The following JSRP1 variants were observed in gnomAD, a reference collection of about 807,000 sequenced individuals.
JSRP1 encodes the protein junctional sarcoplasmic reticulum protein 1, also known as 2310032K21Rik.
JSRP1 carries 29 observed loss-of-function variants against 21.4 expected under a neutral mutation model. The observed-to-expected ratio is 1.36, with a 90% CI of 1.01 to 1.85. The LOEUF (loss-of-function observed/expected upper bound fraction) is 1.85. JSRP1 is among the 40% of genes most tolerant of loss of function. JSRP1 has a pLI of 0.00. For synonymous variants in JSRP1, 221 were observed against 206.1 expected (o/e 1.07, Z -0.62); for missense variants, 531 against 461.5 (o/e 1.15, Z -1.38).
At chr19:2,256,285 C>T (rs1014107590) in intron 1 of JSRP1, 98 bp downstream of exon 1, 1 of 152,222 alleles carries the variant, frequency 6.6e-6, no homozygotes, top group Non-Finnish European at 1.5e-5. Flanking sequence ...AATTGGGGAC[C>T]CTTACAGTCC....
chr19:2,252,758 AG>A lies in JSRP1; in HGVS notation c.566del (p.Pro189LeufsTer40), dbSNP rs778949126. 1 of 1,612,318 alleles carries A rather than the reference AG, an allele frequency of 6.2e-7. No individual in the cohort carries two copies. Among genetic ancestry groups the A allele is most frequent in the African/African-American group, 1.3e-5 (1 of 74,960 alleles). ...FEAQAPPSAP[P>X]APRAEAEVRP... ...TGACCTCTGCCTCGGCCCGGGGCGCAGGCGGCGCTGATGGAGGCGCCTGGGC... is the reference window on the plus strand; with the variant it reads ...TGACCTCTGCCTCGGCCCGGGGCGCAGCGGCGCTGATGGAGGCGCCTGGGC... On this transcript the variant is annotated frameshift_variant, in exon 7 of 7. Coordinates refer to ENST00000300961, the MANE Select transcript of JSRP1 (RefSeq NM_144616.4). LOFTEE classifies it low-confidence loss of function (END_TRUNC).
chr19:2,253,954 C>G (rs1275267943), intron 4 of JSRP1, among the ~76,000 whole-genome samples, 161 bp from the exon 5 acceptor site: 1 of 152,236 alleles, frequency 6.6e-6, no homozygotes, highest in Non-Finnish European at 1.5e-5. Flanking sequence ...TGCCCCGCAG[C>G]TGCACGGGGA....
chr19:2,254,055 G>T, intron 4 of JSRP1, 132 bp downstream of exon 4: 1 of 762,804 alleles, frequency 1.3e-6, no homozygotes, highest in Non-Finnish European at 2.1e-6. Flanking sequence ...CCGTTGACTC[G>T]CTGCCTGCCA....
In JSRP1 at chr19:2,253,011, G is replaced by C. The variant is rs772101547; in HGVS notation, c.437-8C>G. The C allele has an allele frequency of 4.4e-6, 7 of 1,589,820 alleles. No homozygotes were observed. The highest frequency in any genetic ancestry group is 6.0e-6 in the Non-Finnish European group (7 of 1,167,460). On this transcript the variant is annotated splice_region_variant and splice_polypyrimidine_tract_variant and intron_variant, in intron 5 of 6. Coordinates refer to ENST00000300961, the MANE Select transcript of JSRP1 (RefSeq NM_144616.4). The stretch of plus-strand genomic sequence containing the variant: ...CCTCCCCAGGGACGGCGTCTGCAGC[G>C]ACAGGGTCGGGACCCGAGTCAGCTG...
rs749552897 is a variant in JSRP1, at chr19:2,252,894, G to A, written c.528+18C>T. Reference sequence around the variant, plus strand: ...ATGAAGGTCCCAATGCCCGCGGTCAGTGGAAGGAAGCTCTTACCAGGGGCG... The same window carrying A: ...ATGAAGGTCCCAATGCCCGCGGTCAATGGAAGGAAGCTCTTACCAGGGGCG... On this transcript the variant is annotated intron_variant, in intron 6 of 6. Transcript: ENST00000300961. 1 of 1,606,048 alleles carries A rather than the reference G, an allele frequency of 6.2e-7. No individual in the cohort carries two copies. Among genetic ancestry groups the A allele is most frequent in the Non-Finnish European group, 8.5e-7 (1 of 1,175,720 alleles).
chr19:2,253,548 C>T, intron 5 of JSRP1, 72 bp downstream of exon 5: 1 of 1,340,754 alleles, frequency 7.5e-7, no homozygotes, highest in Non-Finnish European at 9.6e-7. Context: ...GGCGGCACAG[C>T]GCCTTTCCTT....
intron 6 of JSRP1, 28 bp downstream of exon 6, chr19:2,252,884 C>A: frequency 6.2e-7 from 1 of 1,600,644 alleles, no homozygotes; most frequent in Admixed American, 1.7e-5. Flanking sequence ...GGTCCCAATG[C>A]CCGCGGTCAG....
chr19:2,252,319 C>A lies in JSRP1; in HGVS notation c.*10G>T, dbSNP rs527724993. 2 of 1,452,692 alleles carry A rather than the reference C, an allele frequency of 1.4e-6. No individual in the cohort carries two copies. Among genetic ancestry groups the A allele is most frequent in the Admixed American group, 2.8e-5 (1 of 35,960 alleles). 90.0% of individuals were successfully genotyped at this position (1,452,692 alleles called of 1,614,324 possible). A position where few individuals can be genotyped will look rare whatever the true frequency, so the allele number is the denominator to read the frequency against. On this transcript the variant is annotated 3_prime_UTR_variant, in exon 7 of 7. Coordinates refer to ENST00000300961, the MANE Select transcript of JSRP1 (RefSeq NM_144616.4). ...CAGAAGGGGCCCCTGGACTCCGGCG[C>A]GGGGCCGGCTCAGTCCCGCCCCTTG... is the stretch of plus-strand genomic sequence containing the variant.
chr19:2,252,540 C>A lies in JSRP1; in HGVS notation c.785G>T (p.Arg262Leu), dbSNP rs2025072164. ...GGCGGCCCGTGGCCTCTCCTCTTTC[C>A]GCGGCCTCTCTTTCTTAGGTCTCTC... The part of the protein sequence containing the change: ...KEERPKKERP[R>L]KEERPRAARE... The change falls in exon 7 of 7, where the codon CGG becomes CTG. Residue 262 changes from arginine to leucine, a missense_variant. Arg to Leu is a moderately radical substitution (Grantham distance 102, BLOSUM62 -2). Transcript: ENST00000300961. 1.9e-6 allele frequency: 3 copies of A among 1,612,782 alleles called. No individual in the cohort carries two copies. The highest frequency in any genetic ancestry group is 1.1e-5 in the South Asian group (1 of 91,086).
intron 2 of JSRP1, 82 bp from the exon 3 acceptor site, chr19:2,254,564 G>T: frequency 6.7e-7 from 1 of 1,487,284 alleles, no homozygotes; most frequent in Non-Finnish European, 9.3e-7. Flanking sequence ...TGGGTGACGT[G>T]CGGGTGACTA....
In JSRP1 at chr19:2,253,739, G is replaced by T. The variant is rs1443279355; in HGVS notation, c.317C>A (p.Pro106Gln). ...GCTCAGGGCCGGGGGCGGCGGCGGC[G>T]GCTGCAGGGGCGGCGCGGTCTGCGC... The part of the protein sequence containing the change: ...KKAQTAPPLQ[P>Q]PPPPPALSEE... Residue 106 changes from proline (P) to glutamine (Q), a missense_variant, in exon 5 of 7, where the codon CCG becomes CAG. Pro to Gln is a moderately conservative substitution (Grantham distance 76). Transcript: ENST00000300961. 6.7e-7 allele frequency: 1 copy of T among 1,483,328 alleles called. No homozygotes were observed. The allele number at this position is 1,483,328 out of a possible 1,614,324, so 91.9% of individuals were successfully genotyped here. A position where few individuals can be genotyped will look rare whatever the true frequency, so the allele number is the denominator to read the frequency against.
At position 2,254,481 on chromosome 19, in the gene JSRP1, C is replaced by A; in HGVS notation, c.111G>T (p.Ala37=). ...LAETQEDRAS[A]TPRLADSGSV... Reference sequence around the variant, plus strand: ...TGCCGGAGTCGGCCAGCCTGGGTGTCGCTGTGGGAACACAGGCAGAGTCAA... The same window carrying A: ...TGCCGGAGTCGGCCAGCCTGGGTGTAGCTGTGGGAACACAGGCAGAGTCAA... The change falls in exon 3 of 7, where the codon GCG becomes GCT. Residue 37 remains alanine (A), a splice_region_variant and synonymous_variant. Coordinates refer to ENST00000300961, the MANE Select transcript of JSRP1 (RefSeq NM_144616.4). 6.2e-7 allele frequency: 1 copy of A among 1,612,762 alleles called. No homozygotes were observed.
Position 2,254,437 on chromosome 19 carries a change from C to G in JSRP1, c.147+8G>C. ...CTGGGTTAAAGGCTGAGGGTCCCAGCTACTCACGTGGGGCACGCTGCCGGA... is the reference window on the plus strand; with the variant it reads ...CTGGGTTAAAGGCTGAGGGTCCCAGGTACTCACGTGGGGCACGCTGCCGGA... On this transcript the variant is annotated splice_region_variant and intron_variant, in intron 3 of 6. Transcript: ENST00000300961. 1 of 1,612,896 alleles carries G rather than the reference C, an allele frequency of 6.2e-7. No homozygotes were observed. The highest frequency in any genetic ancestry group is 8.5e-7 in the Non-Finnish European group (1 of 1,179,964).
rs762131452 is a variant in JSRP1 at position 2,252,712 on chromosome 19, G to T, written c.613C>A (p.Arg205=). ...AEVRPKIPGS[R]EAAENDEEEP... ...TCTTCGTCGTTCTCTGCAGCCTCCC[G>T]ACTCCCGGGAATCTTGGGTCTGACC... Residue 205 remains arginine, a synonymous_variant, in exon 7 of 7, where the codon CGG becomes AGG. Transcript: ENST00000300961. 1 of 1,612,346 alleles carries T rather than the reference G, an allele frequency of 6.2e-7. No homozygotes were observed. The highest frequency in any genetic ancestry group is 1.7e-5 in the Admixed American group (1 of 60,024).
At chr19:2,254,143 T>C in intron 4 of JSRP1, 44 bp downstream of exon 4, 2 of 1,442,588 alleles carry the variant, frequency 1.4e-6, no homozygotes, top group Non-Finnish European at 1.9e-6. Context: ...CTCACACCAG[T>C]CCGTTCCCAC....
At chr19:2,255,380 G>C (rs1461902550) in intron 1 of JSRP1, 36 bp from the exon 2 acceptor site, 2 of 1,051,138 alleles carry the variant, frequency 1.9e-6, no homozygotes. Flanking sequence ...TGCATTTACT[G>C]AGTCTCTGCC....
At position 2,253,684 on chromosome 19, in the gene JSRP1, G is replaced by A. The variant is rs988300219; in HGVS notation, c.372C>T (p.Leu124=). 1.9e-5 allele frequency: 28 copies of A among 1,510,886 alleles called. No homozygotes were observed. Among genetic ancestry groups the A allele is most frequent in the Non-Finnish European group, 2.5e-5 (28 of 1,136,716 alleles). The allele number at this position is 1,510,886 out of a possible 1,614,324, so 93.6% of individuals were successfully genotyped here. ...GCGAGGCGAGCACCAGGCACTTGTTGAGCGACAGGTCTCCCCAGGGCAGCT... is the reference window on the plus strand; with the variant it reads ...GCGAGGCGAGCACCAGGCACTTGTTAAGCGACAGGTCTCCCCAGGGCAGCT... ...SEELPWGDLS[L]NKCLVLASLV... The change falls in exon 5 of 7, where the codon CTC becomes CTT. Residue 124 remains leucine (L), a synonymous_variant. Transcript: ENST00000300961.
Position 2,254,170 on chromosome 19 carries a change from G to A in JSRP1, c.262+17C>T, listed in dbSNP as rs1276884636. ...CGTTCCCACCCCACACCTCACCCAT[G>A]CCTCCTGCAAACCCACTCGCTCCGG... On this transcript the variant is annotated intron_variant, in intron 4 of 6. Coordinates refer to ENST00000300961, the MANE Select transcript of JSRP1 (RefSeq NM_144616.4). 2.5e-6 allele frequency: 4 copies of A among 1,576,336 alleles called. No homozygotes were observed. Among genetic ancestry groups the A allele is most frequent in the Non-Finnish European group, 3.5e-6 (4 of 1,157,094 alleles).
chr19:2,254,402 C>T lies in JSRP1; in HGVS notation c.147+43G>A, dbSNP rs199508147. On this transcript the variant is annotated intron_variant, in intron 3 of 6. Coordinates refer to ENST00000300961, the MANE Select transcript of JSRP1 (RefSeq NM_144616.4). ...CCCTTGGTCGGCTTGTCCCCAACTC[C>T]CCAGGCGTCCTGGGTTAAAGGCTGA... is the stretch of plus-strand genomic sequence containing the variant. 7 of 1,611,976 alleles carry T rather than the reference C, an allele frequency of 4.3e-6. No homozygotes were observed. In the African/African-American group the frequency reaches 8.0e-5, roughly 18 times the overall value.
Sources: gnomAD v4.1 joint callset for allele counts (sites outside exome capture counted in the v4.1 genomes callset) on GRCh38, gnomAD v4.1.1 for gene constraint, MANE v1.5 for transcripts, NCBI Gene and HGNC (gene_info 2026-07-23, HGNC 2026-07-21) for gene names.